LRRN2: variants seen among roughly 807,000 people sequenced by gnomAD.
LRRN2 encodes leucine-rich repeat neuronal protein 2.
In LRRN2, 10 loss-of-function variants were observed where a neutral mutation model predicts 35.7. That is an observed-to-expected ratio of 0.28 (90% confidence interval 0.17 to 0.47). The LOEUF is 0.47. Among genes scored for constraint, LRRN2 ranks in the 20% least tolerant of loss-of-function variants. The pLI is 0.99. For missense variants in LRRN2, 731 were observed against 940.3 expected (o/e 0.78, Z 2.91); for synonymous variants, 391 against 409.6 (o/e 0.95, Z 0.55).
chr1:204,674,464 C>T (rs1209391387), intron 1 of LRRN2, among the ~76,000 whole-genome samples: 2 of 152,184 alleles, frequency 1.3e-5, no homozygotes, highest in Admixed American at 6.5e-5. Flanking sequence ...GCCGGTGGCT[C>T]AGGTGTGTTT....
At chr1:204,631,664 T>C (rs1667708699) in intron 1 of LRRN2, among the ~76,000 whole-genome samples, 1 of 151,962 alleles carries the variant, frequency 6.6e-6, no homozygotes, top group African/African-American at 2.4e-5. Flanking sequence ...CTGAATTTGA[T>C]GGTATGCAAA....
intron 1 of LRRN2, chr1:204,626,835 A>C (rs1317762959): frequency 6.6e-6 from 1 of 152,208 alleles, no homozygotes; most frequent in Non-Finnish European, 1.5e-5. Flanking sequence ...AATGAATAGA[A>C]AATATCATAC....
rs1666447920 is a variant in LRRN2, at chr1:204,617,734, A to G, written c.*117T>C. ...CCCCATCTGTCTTGGCCCAGCTGCC[A>G]GGCCTCAAGCACGTGGGTCCATGTC... On this transcript the variant is annotated 3_prime_UTR_variant, in exon 2 of 2. Coordinates refer to ENST00000367177, the MANE Select transcript of LRRN2 (RefSeq NM_201630.2). 2 of 1,172,592 alleles carry G rather than the reference A, an allele frequency of 1.7e-6. No homozygotes were observed. Among genetic ancestry groups the G allele is most frequent in the Non-Finnish European group, 2.5e-6 (2 of 804,206 alleles). 72.6% of individuals were successfully genotyped at this position (1,172,592 alleles called of 1,614,324 possible). A position where few individuals can be genotyped will look rare whatever the true frequency, so the allele number is the denominator to read the frequency against.
rs751227464 is a variant in LRRN2, at chr1:204,618,652, T to C, written c.1341A>G (p.Ala447=). Reference sequence around the variant, plus strand: ...AGATCTCGGGTTCGGGTTCGGCCAGTGCCCGGCAATGCAGCACCATGCTCT... The same window carrying C: ...AGATCTCGGGTTCGGGTTCGGCCAGCGCCCGGCAATGCAGCACCATGCTCT... ...SGESMVLHCR[A]LAEPEPEIYW... The change falls in exon 2 of 2, where the codon GCA becomes GCG. Residue 447 remains alanine (A), a synonymous_variant. Transcript: ENST00000367177. The C allele has an allele frequency of 7.5e-6, 12 of 1,608,102 alleles. No individual in the cohort carries two copies. The East Asian group carries it at 2.7e-4, about 36-fold the overall frequency.
At chr1:204,631,841 G>A (rs1362584751) in intron 1 of LRRN2, among the ~76,000 whole-genome samples, 3 of 152,060 alleles carry the variant, frequency 2.0e-5, no homozygotes, top group Admixed American at 6.6e-5. Flanking sequence ...GAGAGTGTGG[G>A]TGATGTGATG....
intron 1 of LRRN2, among the ~76,000 whole-genome samples, chr1:204,651,161 C>T (rs763163634): frequency 6.6e-6 from 1 of 152,154 alleles, no homozygotes; most frequent in African/African-American, 2.4e-5. Flanking sequence ...GACTGGAAGG[C>T]ACCATCTAGG....
At chr1:204,667,112 A>G (rs568136852) in intron 1 of LRRN2, among the ~76,000 whole-genome samples, 35 of 152,324 alleles carry the variant, frequency 2.3e-4, no homozygotes, top group Admixed American at 2.0e-3. Context: ...GTGGCTATAC[A>G]GGAGCAGCAC....
rs543281680 is a variant in LRRN2 at position 204,680,412 on chromosome 1, A to C, written c.-227+4908T>G. 9.2e-5 allele frequency among the ~76,000 whole-genome samples: 14 copies of C among 152,346 alleles called. No homozygotes were observed. The South Asian group carries it at 2.9e-3, about 32-fold the overall frequency. On this transcript the variant is annotated intron_variant, in intron 1 of 1. Coordinates refer to ENST00000367177, the MANE Select transcript of LRRN2 (RefSeq NM_201630.2). ...TCCATCAAATGCTGAGTAGCAGGGA[A>C]GGTGTGGGTGCAAGAAACACACAGA...
intron 1 of LRRN2, among the ~76,000 whole-genome samples, chr1:204,674,963 T>C (rs1326922381): frequency 6.6e-6 from 1 of 152,184 alleles, no homozygotes; most frequent in Admixed American, 6.5e-5. Flanking sequence ...AATATACACA[T>C]ACAATTGTTG....
At chr1:204,643,308 T>C (rs185370361) in intron 1 of LRRN2, among the ~76,000 whole-genome samples, 7 of 152,320 alleles carry the variant, frequency 4.6e-5, no homozygotes, top group Non-Finnish European at 8.8e-5. Context: ...CTGGGAATTA[T>C]CTGAAATTGC....
chr1:204,620,523 C>T (rs912482953), intron 1 of LRRN2: 1 of 176,244 alleles, frequency 5.7e-6, no homozygotes, highest in African/African-American at 2.4e-5. Flanking sequence ...GATCTGCTCA[C>T]CTCGGTCTCC....
At chr1:204,640,703 T>A (rs1667957778) in intron 1 of LRRN2, among the ~76,000 whole-genome samples, 2 of 152,104 alleles carry the variant, frequency 1.3e-5, no homozygotes. Context: ...GGTTCTGGGA[T>A]CTCCTCTACT....
intron 1 of LRRN2, among the ~76,000 whole-genome samples, chr1:204,666,491 G>C (rs1289570728): frequency 6.6e-6 from 1 of 152,202 alleles, no homozygotes; most frequent in Non-Finnish European, 1.5e-5. Flanking sequence ...ATGTGATCCT[G>C]GGCCAGTTAG....
At position 204,632,651 on chromosome 1, in the gene LRRN2, G is replaced by A. The variant is rs528253496; in HGVS notation, c.-226-12433C>T. On this transcript the variant is annotated intron_variant, in intron 1 of 1. Transcript: ENST00000367177. ...CTCAAAAAAAAAAAAAAAAAAATTC[G>A]CCACGCGCAGTGGCCCACACCTGTA... Among the ~76,000 whole-genome samples the A allele has an allele frequency of 2.3e-4, 32 of 140,636 alleles. 1 individual carries two copies. The East Asian group carries it at 4.8e-3, about 21-fold the overall frequency. 92.3% of individuals were successfully genotyped at this position (140,636 alleles called of 152,430 possible). A position where few individuals can be genotyped will look rare whatever the true frequency, so the allele number is the denominator to read the frequency against.
At chr1:204,672,841 G>A (rs755434655) in intron 1 of LRRN2, among the ~76,000 whole-genome samples, 3 of 152,078 alleles carry the variant, frequency 2.0e-5, no homozygotes, top group African/African-American at 4.8e-5. Context: ...GTGAAGGAGC[G>A]ACCACCCACT....
At chr1:204,666,261 A>G (rs1668572334) in intron 1 of LRRN2, among the ~76,000 whole-genome samples, 1 of 152,242 alleles carries the variant, frequency 6.6e-6, no homozygotes, top group Non-Finnish European at 1.5e-5. Flanking sequence ...GTGAATGTCT[A>G]GGCATAGGAA....
At chr1:204,669,104 CA>C (rs1326682715) in intron 1 of LRRN2, among the ~76,000 whole-genome samples, 4 of 152,202 alleles carry the variant, frequency 2.6e-5, no homozygotes, top group Non-Finnish European at 4.4e-5. Flanking sequence ...GGATTATAGG[CA>C]TGAGCCACTG....
At chr1:204,683,819 T>C (rs1669005323) in intron 1 of LRRN2, among the ~76,000 whole-genome samples, 1 of 152,138 alleles carries the variant, frequency 6.6e-6, no homozygotes, top group South Asian at 2.1e-4. Flanking sequence ...GAGGCTCAGA[T>C]CCCTAGCTCT....
intron 1 of LRRN2, among the ~76,000 whole-genome samples, chr1:204,627,582 T>G (rs1667490373): frequency 6.6e-6 from 1 of 152,206 alleles, no homozygotes; most frequent in Admixed American, 6.5e-5. Context: ...TATTTCTTAA[T>G]TAGGAGTGGA....
Sources: allele counts gnomAD v4.1 joint callset (sites outside exome capture counted in the v4.1 genomes callset), GRCh38; gene constraint gnomAD v4.1.1; transcripts MANE v1.5; gene names NCBI Gene and HGNC (gene_info 2026-07-23, HGNC 2026-07-21).